AFF2: variants seen among roughly 807,000 people sequenced by gnomAD.
AFF2 encodes ALF transcription elongation factor 2.
Under a neutral mutation model 76.9 loss-of-function variants are expected in AFF2, and 14 were observed. That is an observed-to-expected ratio of 0.18 (90% CI 0.12 to 0.28). AFF2 has a LOEUF of 0.28. AFF2 is among the 10% of genes least tolerant of loss of function. The pLI is 1.00. For synonymous variants in AFF2, 398 were observed against 366.7 expected (o/e 1.09, Z -0.98); for missense variants, 868 against 1,001.1 (o/e 0.87, Z 1.79).
At position 148,980,756 on chromosome X, in the gene AFF2, G is replaced by T; in HGVS notation, c.3589G>T (p.Ala1197Ser). Residue 1197 changes from alanine (A) to serine (S), a missense_variant, in exon 19 of 21, where the codon GCA becomes TCA. Around this residue, in one of 6 missense-constraint regions of AFF2, gnomAD observed 46 missense variants for 40.8 expected, o/e 1.13. Transcript: ENST00000370460. ...EYFKQNASKV[A>S]QIPSPWVSNG... Reference sequence around the variant, plus strand: ...CTTTTAGCAAAATGCTTCAAAAGTCGCACAGATACCCTCTCCATGGGTAAG... The same window carrying T: ...CTTTTAGCAAAATGCTTCAAAAGTCTCACAGATACCCTCTCCATGGGTAAG... 2.5e-6 allele frequency: 3 copies of T among 1,196,544 alleles called. No individual in the cohort carries two copies. Among genetic ancestry groups the T allele is most frequent in the Non-Finnish European group, 3.4e-6 (3 of 885,591 alleles).
intron 9 of AFF2, among the ~76,000 whole-genome samples, chrX:148,928,109 C>T (rs1557284006): frequency 1.8e-5 from 2 of 111,480 alleles, no homozygotes; most frequent in East Asian, 5.6e-4. Flanking sequence ...GTGAAATGTT[C>T]CCCAGAACTC....
rs1467664587 is a variant in AFF2 at position 148,529,560 on chromosome X, G to T, written c.47+28416G>T. ...ATATCAAAACTAAGCTTGAGAAAGT[G>T]ATAAATTGGATGCGTGTTTGTCCAA... is the stretch of plus-strand genomic sequence containing the variant. On this transcript the variant is annotated intron_variant, in intron 1 of 20. Coordinates refer to ENST00000370460, the MANE Select transcript of AFF2 (RefSeq NM_002025.4). Among the ~76,000 whole-genome samples, 4 of 112,140 alleles carry T rather than the reference G, an allele frequency of 3.6e-5. No individual in the cohort carries two copies. In the East Asian group the frequency reaches 8.4e-4, roughly 24 times the overall value.
intron 1 of AFF2, among the ~76,000 whole-genome samples, chrX:148,554,453 C>T (rs2053029413): frequency 9.0e-6 from 1 of 111,646 alleles, no homozygotes; most frequent in Non-Finnish European, 1.9e-5. Context: ...TTTACCTGTG[C>T]CTGGAGGGAG....
chrX:148,525,165 G>T (rs1184924744), intron 1 of AFF2, among the ~76,000 whole-genome samples: 1 of 111,858 alleles, frequency 8.9e-6, no homozygotes, highest in Non-Finnish European at 1.9e-5. Context: ...ACGTGTGTGT[G>T]TGTGCATGTG....
intron 3 of AFF2, among the ~76,000 whole-genome samples, chrX:148,772,066 G>C (rs944643610): frequency 8.9e-6 from 1 of 111,770 alleles, no homozygotes. Context: ...ATAGGTTACA[G>C]CCTGATTTAA....
At chrX:148,550,683 C>T (rs999909102) in intron 1 of AFF2, among the ~76,000 whole-genome samples, 2 of 111,161 alleles carry the variant, frequency 1.8e-5, no homozygotes, top group African/African-American at 6.5e-5. Flanking sequence ...ATATTTTCAA[C>T]TTATGATGGG....
rs150787310 is a variant in AFF2 at position 148,686,674 on chromosome X, C to T, written c.1041+23906C>T. On this transcript the variant is annotated intron_variant, in intron 3 of 20. Transcript: ENST00000370460. ...ACCAGTACCTGCTACACACAGTAGG[C>T]CCTCCAGAAGGTTTTGATTTCTTCC... Among the ~76,000 whole-genome samples, 815 of 111,243 alleles carry T rather than the reference C, an allele frequency of 7.3e-3. 12 individuals carry two copies. The highest frequency in any genetic ancestry group is 0.025 in the African/African-American group (756 of 30,618).
intron 9 of AFF2, among the ~76,000 whole-genome samples, chrX:148,913,319 T>C (rs2071491600): frequency 1.8e-5 from 2 of 112,468 alleles, no homozygotes; most frequent in Admixed American, 1.9e-4. Flanking sequence ...TTCAGTTGTA[T>C]TATGTAACTT....
intron 5 of AFF2, among the ~76,000 whole-genome samples, chrX:148,840,551 A>G (rs782052871): frequency 5.3e-5 from 6 of 112,788 alleles, no homozygotes; most frequent in Non-Finnish European, 9.4e-5. Context: ...TGTCAAGGCT[A>G]TTGCTTAAAA....
intron 16 of AFF2, among the ~76,000 whole-genome samples, chrX:148,974,763 T>A (rs184072186): frequency 8.9e-6 from 1 of 112,219 alleles, no homozygotes; most frequent in East Asian, 2.8e-4. Flanking sequence ...TGCTCTGAAA[T>A]GTAGGCACTG....
Position 148,998,012 on chromosome X carries a change from C to G in AFF2, c.*6680C>G, listed in dbSNP as rs1324884465. The G allele has an allele frequency of 1.8e-5, 2 of 112,361 alleles. No homozygotes were observed. The highest frequency in any genetic ancestry group is 3.8e-5 in the Non-Finnish European group (2 of 53,281). The allele number at this position is 112,361 out of a possible 1,213,427, so 9.3% of individuals were successfully genotyped here. A position where few individuals can be genotyped will look rare whatever the true frequency, so the allele number is the denominator to read the frequency against. On this transcript the variant is annotated 3_prime_UTR_variant, in exon 21 of 21. Transcript: ENST00000370460. ...AATATAACAAATTACTGTTTCTACTCCTATTCTGAGTAGTGCTTCTGAAGA... is the reference window on the plus strand; with the variant it reads ...AATATAACAAATTACTGTTTCTACTGCTATTCTGAGTAGTGCTTCTGAAGA...
chrX:148,700,316 G>A (rs182288698), intron 3 of AFF2, among the ~76,000 whole-genome samples: 1 of 110,857 alleles, frequency 9.0e-6, no homozygotes, highest in East Asian at 2.9e-4. Flanking sequence ...GCAGGCTCTC[G>A]TTCTACTTAG....
intron 8 of AFF2, among the ~76,000 whole-genome samples, chrX:148,900,431 C>A (rs1467662769): frequency 9.0e-6 from 1 of 111,605 alleles, no homozygotes; most frequent in African/African-American, 3.3e-5. Flanking sequence ...CTGTCTGTAG[C>A]CACATCATCC....
At chrX:148,812,118 A>C (rs720039) in intron 4 of AFF2, among the ~76,000 whole-genome samples, 1 of 111,059 alleles carries the variant, frequency 9.0e-6, no homozygotes, top group East Asian at 2.8e-4. Flanking sequence ...TAATTGTTAA[A>C]TTTTTATAGA....
chrX:148,943,868 T>A (rs2071869364), intron 9 of AFF2, among the ~76,000 whole-genome samples: 1 of 111,974 alleles, frequency 8.9e-6, no homozygotes, highest in Non-Finnish European at 1.9e-5. Context: ...GAAGCTTACC[T>A]TCTAAATCAA....
At chrX:148,603,333 G>C (rs2053644033) in intron 1 of AFF2, among the ~76,000 whole-genome samples, 1 of 111,301 alleles carries the variant, frequency 9.0e-6, no homozygotes, top group Non-Finnish European at 1.9e-5. Context: ...ACTTCAAAAA[G>C]GGTTGGTATG....
At chrX:148,818,113 A>G (rs782181867) in intron 4 of AFF2, among the ~76,000 whole-genome samples, 1 of 111,641 alleles carries the variant, frequency 9.0e-6, no homozygotes, top group African/African-American at 3.2e-5. Flanking sequence ...AAGACAATTA[A>G]ATATGTAAAG....
chrX:148,672,680 G>A (rs1557259190), intron 3 of AFF2, among the ~76,000 whole-genome samples: 1 of 112,274 alleles, frequency 8.9e-6, no homozygotes, highest in Non-Finnish European at 1.9e-5. Context: ...GGTATTACAG[G>A]TTATAGTCAT....
chrX:148,781,048 A>G (rs1557269051), intron 3 of AFF2, among the ~76,000 whole-genome samples: 1 of 111,358 alleles, frequency 9.0e-6, no homozygotes, highest in Non-Finnish European at 1.9e-5. Flanking sequence ...TTTCCGCCAG[A>G]CTCTGTTTGC....
Sources: gnomAD v4.1 joint callset for allele counts (sites outside exome capture counted in the v4.1 genomes callset) on GRCh38, gnomAD v4.1.1 for gene constraint, gnomAD v4.1.1 regional missense constraint, MANE v1.5 for transcripts, NCBI Gene and HGNC (gene_info 2026-07-23, HGNC 2026-07-21) for gene names.